The following ABCC4 variants were observed in gnomAD, a reference collection of about 807,000 sequenced individuals.
ABCC4 encodes the protein ATP binding cassette subfamily C member 4 (PEL blood group), also known as ATP-binding cassette sub-family C member 4.
A neutral mutation model predicts 168.5 loss-of-function variants in ABCC4; 102 were observed. The ratio of observed to expected loss-of-function variants is 0.61; its 90% CI spans 0.52 to 0.71. ABCC4 has a LOEUF of 0.71. Ranked by LOEUF, ABCC4 falls within the 30% of genes least tolerant of loss-of-function variation. The pLI is 0.00. For synonymous variants in ABCC4, 617 were observed against 590.7 expected (o/e 1.04, Z -0.65); for missense variants, 1,402 against 1,605.8 (o/e 0.87, Z 2.17).
chr13:95,202,714 T>TCTCAGCTCACTGCAAC (rs1201259145), intron 8 of ABCC4, among the ~76,000 whole-genome samples: 2 of 138,770 alleles, frequency 1.4e-5, no homozygotes, highest in Non-Finnish European at 3.1e-5. Flanking sequence ...AGTGGTGCAA[T>TCTCAGCTCACTGCAAC]CTCAGCTCAC....
At chr13:95,196,226 T>A (rs1322672745) in intron 8 of ABCC4, among the ~76,000 whole-genome samples, 3 of 152,130 alleles carry the variant, frequency 2.0e-5, no homozygotes, top group Non-Finnish European at 4.4e-5. Flanking sequence ...TGGCAAAAAC[T>A]GTCAGCTCTC....
At chr13:95,135,034 A>G (rs1566452252) in intron 19 of ABCC4, among the ~76,000 whole-genome samples, 1 of 152,200 alleles carries the variant, frequency 6.6e-6, no homozygotes, top group Non-Finnish European at 1.5e-5. Flanking sequence ...TTATATTTTC[A>G]TAAGGCAGTA....
chr13:95,174,970 A>T (rs1229067897), intron 13 of ABCC4, among the ~76,000 whole-genome samples: 1 of 152,192 alleles, frequency 6.6e-6, no homozygotes, highest in African/African-American at 2.4e-5. Context: ...ACCATTTTTA[A>T]TTGTATAGCT....
intron 26 of ABCC4, among the ~76,000 whole-genome samples, chr13:95,060,850 G>T (rs1256757139): frequency 3.3e-5 from 5 of 152,072 alleles, no homozygotes; most frequent in South Asian, 2.1e-4. Context: ...TTCACAAGAC[G>T]CTTTTCATCT....
At chr13:95,216,429 A>G (rs1481374496) in intron 4 of ABCC4, among the ~76,000 whole-genome samples, 2 of 152,180 alleles carry the variant, frequency 1.3e-5, no homozygotes. Flanking sequence ...TGAAAACAAA[A>G]TAGTTCTACC....
intron 23 of ABCC4, among the ~76,000 whole-genome samples, chr13:95,073,985 G>A (rs1190354749): frequency 6.6e-6 from 1 of 152,074 alleles, no homozygotes; most frequent in Non-Finnish European, 1.5e-5. Flanking sequence ...TCTCAACTGC[G>A]CATATCTCAA....
At chr13:95,034,475 T>C in intron 30 of ABCC4, 130 bp downstream of exon 30, 1 of 1,334,792 alleles carries the variant, frequency 7.5e-7, no homozygotes. Flanking sequence ...GACCCACTCA[T>C]GAAGCTTTGT....
chr13:95,071,898 C>T, intron 24 of ABCC4, 45 bp from the exon 25 acceptor site: 3 of 1,333,290 alleles, frequency 2.3e-6, no homozygotes, highest in Middle Eastern at 2.0e-4. Context: ...TGGAGGGTGT[C>T]ATTTATGGAT....
intron 4 of ABCC4, among the ~76,000 whole-genome samples, chr13:95,233,319 T>TA (rs200364087): frequency 0.012 from 1,710 of 146,566 alleles, 17 homozygotes; most frequent in East Asian, 0.033. Flanking sequence ...AGTGCACCCA[T>TA]AAAAAAAAAA....
At chr13:95,036,722 T>C (rs2032135974) in intron 29 of ABCC4, among the ~76,000 whole-genome samples, 2 of 152,162 alleles carry the variant, frequency 1.3e-5, no homozygotes, top group South Asian at 4.1e-4. Flanking sequence ...TTTTAACTTC[T>C]ATAAGGTTTC....
intron 19 of ABCC4, among the ~76,000 whole-genome samples, chr13:95,151,478 A>G (rs1465980404): frequency 5.1e-5 from 4 of 78,600 alleles, no homozygotes; most frequent in East Asian, 5.9e-4. Context: ...CTGTCTCAAG[A>G]AAAAAAAAAA....
chr13:95,295,625 T>A (rs934438014), intron 1 of ABCC4, among the ~76,000 whole-genome samples: 74 of 151,400 alleles, frequency 4.9e-4, no homozygotes, highest in Admixed American at 1.8e-3. Context: ...GCCACCGCAC[T>A]CCAGACTGGG....
chr13:95,137,767 A>G (rs960494434), intron 19 of ABCC4, among the ~76,000 whole-genome samples: 2 of 152,178 alleles, frequency 1.3e-5, no homozygotes, highest in African/African-American at 4.8e-5. Context: ...GTTTTAATAT[A>G]AATCATTTTA....
At chr13:95,249,110 A>C (rs927043849) in intron 1 of ABCC4, among the ~76,000 whole-genome samples, 1 of 152,026 alleles carries the variant, frequency 6.6e-6, no homozygotes, top group Non-Finnish European at 1.5e-5. Flanking sequence ...GATCCCAGCT[A>C]TTCCAGAGGC....
At chr13:95,147,678 T>G (rs1292168667) in intron 19 of ABCC4, among the ~76,000 whole-genome samples, 1 of 152,204 alleles carries the variant, frequency 6.6e-6, no homozygotes, top group Non-Finnish European at 1.5e-5. Flanking sequence ...TTTTTAAAAA[T>G]AATGTAAGTT....
At chr13:95,255,899 T>G (rs931711874) in intron 1 of ABCC4, among the ~76,000 whole-genome samples, 1 of 152,102 alleles carries the variant, frequency 6.6e-6, no homozygotes, top group Non-Finnish European at 1.5e-5. Context: ...CACCAGCTAA[T>G]CCATGCCTTT....
At position 95,277,578 on chromosome 13, in the gene ABCC4, C is replaced by CA. The variant is rs5805920; in HGVS notation, c.74+23662dup. Among the ~76,000 whole-genome samples, 1,280 of 131,446 alleles carry CA rather than the reference C, an allele frequency of 9.7e-3. 11 individuals carry two copies. The highest frequency in any genetic ancestry group is 0.028 in the African/African-American group (968 of 34,978). The allele number at this position is 131,446 out of a possible 152,430, so 86.2% of individuals were successfully genotyped here. On this transcript the variant is annotated intron_variant, in intron 1 of 30. Coordinates refer to ENST00000645237, the MANE Select transcript of ABCC4 (RefSeq NM_005845.5). The stretch of plus-strand genomic sequence containing the variant: ...CCTAGGCAACAAGAGTGAGACTTCT[C>CA]AAAAAAAAAAAAAAAATCCACAAAG...
At chr13:95,217,454 G>GGGCA (rs1480389801) in intron 4 of ABCC4, among the ~76,000 whole-genome samples, 1 of 152,130 alleles carries the variant, frequency 6.6e-6, no homozygotes. Context: ...AGATGCGGCT[G>GGGCA]GGCACGGTGG....
At chr13:95,250,114 A>T (rs901657292) in intron 1 of ABCC4, among the ~76,000 whole-genome samples, 2 of 152,228 alleles carry the variant, frequency 1.3e-5, no homozygotes, top group South Asian at 4.1e-4. Context: ...ACAAGAGACT[A>T]AATTATCTTT....
Sources: gnomAD v4.1 joint callset for allele counts (sites outside exome capture counted in the v4.1 genomes callset) on GRCh38, gnomAD v4.1.1 for gene constraint, MANE v1.5 for transcripts, NCBI Gene and HGNC (gene_info 2026-07-23, HGNC 2026-07-21) for gene names.